FAM53B: variants seen among roughly 807,000 people sequenced by gnomAD.
FAM53B encodes the protein protein FAM53B.
Under a neutral mutation model 32.7 loss-of-function variants are expected in FAM53B, and 12 were observed. That is an observed-to-expected ratio of 0.37 (90% confidence interval 0.24 to 0.59). FAM53B has a LOEUF of 0.59. FAM53B is among the 20% of genes least tolerant of loss of function. The probability of loss-of-function intolerance (pLI) is 0.72; values close to 1 mark genes in which losing one functional copy is unlikely to be tolerated. For synonymous variants in FAM53B, 234 were observed against 228.7 expected (o/e 1.02, Z -0.21); for missense variants, 477 against 577.7 (o/e 0.83, Z 1.79).
At chr10:124,636,098 C>G (rs919537687) in intron 4 of FAM53B, among the ~76,000 whole-genome samples, 3 of 152,130 alleles carry the variant, frequency 2.0e-5, no homozygotes, top group Non-Finnish European at 2.9e-5. Flanking sequence ...ATGTCTATCT[C>G]TGTGTGTGTG....
intron 4 of FAM53B, among the ~76,000 whole-genome samples, chr10:124,632,856 C>T (rs539882553): frequency 7.2e-5 from 11 of 152,320 alleles, no homozygotes; most frequent in East Asian, 3.9e-4. Context: ...TGCAGTCCTC[C>T]GGCAGGACGG....
At chr10:124,660,466 G>A (rs138447418) in intron 4 of FAM53B, among the ~76,000 whole-genome samples, 1 of 152,302 alleles carries the variant, frequency 6.6e-6, no homozygotes, top group Non-Finnish European at 1.5e-5. Context: ...CTGATACCAA[G>A]GCTCCAGTTA....
Position 124,734,840 on chromosome 10 carries a change from C to G in FAM53B, c.-175+9173G>C, listed in dbSNP as rs560830152. ...CTCATGAGGCGCGATGCTCACCAGA[C>G]CCAGGGAATAGGCGTGTCAGGAGTC... On this transcript the variant is annotated intron_variant, in intron 1 of 4. Coordinates refer to ENST00000337318, the MANE Select transcript of FAM53B (RefSeq NM_014661.4). Among the ~76,000 whole-genome samples, 8 of 152,340 alleles carry G rather than the reference C, an allele frequency of 5.3e-5. No homozygotes were observed. In the South Asian group the frequency reaches 1.0e-3, roughly 20 times the overall value.
intron 4 of FAM53B, among the ~76,000 whole-genome samples, chr10:124,649,605 G>A (rs1949543084): frequency 6.6e-6 from 1 of 152,208 alleles, no homozygotes; most frequent in African/African-American, 2.4e-5. Context: ...TCCAGACCAA[G>A]CCTCAGTCTG....
rs746823378 is a variant in FAM53B, at chr10:124,667,361, C to A, written c.906+14246G>T. 3.5e-5 allele frequency: 26 copies of A among 753,530 alleles called. No homozygotes were observed. The East Asian group carries it at 6.2e-4, about 18-fold the overall frequency. 46.7% of individuals were successfully genotyped at this position (753,530 alleles called of 1,614,324 possible). ...AGTTCTGGTTTCACTGGACTGCTTCCTCTAAGACTCAGCCACCGCCTGTAA... is the reference window on the plus strand; with the variant it reads ...AGTTCTGGTTTCACTGGACTGCTTCATCTAAGACTCAGCCACCGCCTGTAA... On this transcript the variant is annotated intron_variant, in intron 4 of 4. Coordinates refer to ENST00000337318, the MANE Select transcript of FAM53B (RefSeq NM_014661.4).
At chr10:124,672,383 G>A (rs573318141) in intron 4 of FAM53B, among the ~76,000 whole-genome samples, 1 of 152,388 alleles carries the variant, frequency 6.6e-6, no homozygotes, top group East Asian at 1.9e-4. Flanking sequence ...TGATGTCCCG[G>A]ATCAGGAAGC....
At chr10:124,731,148 GAAT>G (rs1273416156) in intron 1 of FAM53B, among the ~76,000 whole-genome samples, 1 of 152,210 alleles carries the variant, frequency 6.6e-6, no homozygotes, top group African/African-American at 2.4e-5. Context: ...TATAAAAAGG[GAAT>G]AATAACAGCA....
chr10:124,641,603 G>A (rs1194147029), intron 4 of FAM53B, among the ~76,000 whole-genome samples: 2 of 152,194 alleles, frequency 1.3e-5, no homozygotes, highest in Non-Finnish European at 2.9e-5. Context: ...GAGAGTCACG[G>A]GGAACTCAGA....
At chr10:124,725,235 T>C (rs974288094) in intron 1 of FAM53B, among the ~76,000 whole-genome samples, 21 of 152,136 alleles carry the variant, frequency 1.4e-4, no homozygotes, top group African/African-American at 4.3e-4. Flanking sequence ...ACTAAGCACT[T>C]AGATGTGAGC....
chr10:124,706,929 A>C (rs1949963234), intron 1 of FAM53B, 42 bp from the exon 2 acceptor site: 4 of 1,412,412 alleles, frequency 2.8e-6, no homozygotes, highest in Non-Finnish European at 3.7e-6. Flanking sequence ...AGGACTAAGA[A>C]AGACGAGGGC....
intron 4 of FAM53B, chr10:124,667,286 CT>C (rs770203489): frequency 9.3e-6 from 6 of 645,128 alleles, no homozygotes; most frequent in Non-Finnish European, 1.7e-5. Context: ...ATTTCACTTT[CT>C]TCTCTTAATA....
At chr10:124,658,351 G>A (rs1419068527) in intron 4 of FAM53B, among the ~76,000 whole-genome samples, 1 of 152,188 alleles carries the variant, frequency 6.6e-6, no homozygotes, top group African/African-American at 2.4e-5. Flanking sequence ...CCAGGCTATG[G>A]ACCTCTGAAT....
intron 1 of FAM53B, among the ~76,000 whole-genome samples, chr10:124,718,945 G>A (rs1310192050): frequency 6.6e-6 from 1 of 152,102 alleles, no homozygotes; most frequent in African/African-American, 2.4e-5. Flanking sequence ...CTACACAGGA[G>A]GCTGAGTAGG....
At chr10:124,705,306 G>GGAAGGCGAAGGC (rs146131325) in intron 2 of FAM53B, among the ~76,000 whole-genome samples, 2 of 152,144 alleles carry the variant, frequency 1.3e-5, no homozygotes, top group South Asian at 4.1e-4. Flanking sequence ...GGGGCAGGAG[G>GGAAGGCGAAGGC]GAAGGCGGAG....
At chr10:124,737,510 C>A (rs766151440) in intron 1 of FAM53B, among the ~76,000 whole-genome samples, 6 of 152,104 alleles carry the variant, frequency 3.9e-5, no homozygotes, top group Non-Finnish European at 8.8e-5. Context: ...TAAGGTTCCA[C>A]GTCATGAGAA....
chr10:124,684,513 A>G (rs1465879004), intron 3 of FAM53B, among the ~76,000 whole-genome samples: 2 of 152,174 alleles, frequency 1.3e-5, no homozygotes, highest in Non-Finnish European at 2.9e-5. Flanking sequence ...ATAAACTAAT[A>G]TACAGTAAAA....
intron 4 of FAM53B, chr10:124,623,827 A>C: frequency 3.8e-6 from 2 of 521,978 alleles, no homozygotes; most frequent in East Asian, 3.4e-5. Context: ...CAATTCCACT[A>C]TTCACCTACT....
At chr10:124,678,877 C>G (rs548676187) in intron 4 of FAM53B, among the ~76,000 whole-genome samples, 1 of 152,146 alleles carries the variant, frequency 6.6e-6, no homozygotes, top group Non-Finnish European at 1.5e-5. Flanking sequence ...GGGAAGCCCC[C>G]GTGTGCTCAC....
At chr10:124,636,462 C>A (rs1319030679) in intron 4 of FAM53B, among the ~76,000 whole-genome samples, 1 of 152,216 alleles carries the variant, frequency 6.6e-6, no homozygotes, top group Non-Finnish European at 1.5e-5. Context: ...GTGCCAGACG[C>A]CTGCATGTGG....
Sources: gnomAD v4.1 joint callset for allele counts (sites outside exome capture counted in the v4.1 genomes callset) on GRCh38, gnomAD v4.1.1 for gene constraint, MANE v1.5 for transcripts, NCBI Gene and HGNC (gene_info 2026-07-23, HGNC 2026-07-21) for gene names.